DOCK5: variants seen among roughly 807,000 people sequenced by gnomAD.
The protein encoded by DOCK5 is dedicator of cytokinesis protein 5.
DOCK5 carries 142 observed loss-of-function variants against 251.8 expected under a neutral mutation model. The ratio of observed to expected loss-of-function variants is 0.56; its 90% CI spans 0.49 to 0.65. DOCK5 has a LOEUF of 0.65. DOCK5 is among the 30% of genes least tolerant of loss of function. DOCK5 has a pLI of 0.00. For missense variants in DOCK5, 2,111 were observed against 2,312.3 expected, an observed-to-expected ratio of 0.91 and a Z score of 1.79; for synonymous variants, 842 against 835.5, an observed-to-expected ratio of 1.01 and a Z score of -0.13.
At chr8:25,240,618 G>A (rs542032157) in intron 1 of DOCK5, among the ~76,000 whole-genome samples, 23 of 152,244 alleles carry the variant, frequency 1.5e-4, no homozygotes, top group African/African-American at 3.4e-4. Context: ...GTTCATTCAC[G>A]TTGCAGTATG....
intron 25 of DOCK5, among the ~76,000 whole-genome samples, chr8:25,342,994 C>T (rs901118571): frequency 1.6e-4 from 24 of 151,772 alleles, no homozygotes; most frequent in Admixed American, 6.6e-5. Context: ...CGTGAGCCAC[C>T]GCGTCCGGCT....
At chr8:25,222,928 T>C (rs1802431972) in intron 1 of DOCK5, among the ~76,000 whole-genome samples, 1 of 152,140 alleles carries the variant, frequency 6.6e-6, no homozygotes, top group South Asian at 2.1e-4. Context: ...AGTAATGCCC[T>C]TCCTAAAGGG....
At chr8:25,316,874 C>G in intron 13 of DOCK5, 133 bp from the exon 14 acceptor site, 1 of 1,088,544 alleles carries the variant, frequency 9.2e-7, no homozygotes, top group Non-Finnish European at 1.3e-6. Flanking sequence ...CATATGAAAG[C>G]CTTTTGTCGG....
chr8:25,366,736 G>A, intron 30 of DOCK5, 134 bp from the exon 31 acceptor site: 1 of 616,920 alleles, frequency 1.6e-6, no homozygotes, highest in Non-Finnish European at 2.7e-6. Context: ...CAAAACCTAA[G>A]AAGAATGTAG....
intron 1 of DOCK5, among the ~76,000 whole-genome samples, chr8:25,209,619 A>C (rs1802078420): frequency 1.4e-5 from 1 of 70,940 alleles, no homozygotes; most frequent in Admixed American, 1.6e-4. Context: ...GACATTTCAC[A>C]TACAACTTTA....
In DOCK5 at chr8:25,332,271, A is replaced by G. The variant is rs185726789; in HGVS notation, c.1924A>G (p.Asn642Asp). 4 of 1,613,578 alleles carry G rather than the reference A, an allele frequency of 2.5e-6. No homozygotes were observed. In the Admixed American group the frequency reaches 6.7e-5, roughly 27 times the overall value. Residue 642 changes from asparagine to aspartate, a missense_variant, in exon 19 of 52, where the codon AAT (asparagine) becomes GAT (aspartate). Asn to Asp is a conservative substitution (Grantham distance 23). Coordinates refer to ENST00000276440, the MANE Select transcript of DOCK5 (RefSeq NM_024940.8). ...CCTAGTTGACCTGTTAGGCTTGTTA[A>G]ATTGGCGTTCCAACTCCCAGAACAT... ...TQNVDLLGLL[N>D]WRSNSQNIKH...
chr8:25,355,002 G>A (rs1191281855), intron 27 of DOCK5, among the ~76,000 whole-genome samples: 2 of 152,296 alleles, frequency 1.3e-5, no homozygotes, highest in East Asian at 3.9e-4. Context: ...GGGAGGCTGA[G>A]GCAGGAGTAT....
At chr8:25,363,310 C>T (rs779616611) in intron 29 of DOCK5, among the ~76,000 whole-genome samples, 169 bp downstream of exon 29, 13 of 152,166 alleles carry the variant, frequency 8.5e-5, no homozygotes, top group Non-Finnish European at 1.9e-4. Context: ...TTGATTTTCC[C>T]AGGGTAATTG....
intron 1 of DOCK5, among the ~76,000 whole-genome samples, chr8:25,228,035 C>T (rs780344016): frequency 1.2e-4 from 18 of 152,090 alleles, no homozygotes; most frequent in Non-Finnish European, 2.9e-5. Context: ...CAGACATGCA[C>T]CACCACACCT....
chr8:25,247,185 T>G (rs1371705406), intron 2 of DOCK5, among the ~76,000 whole-genome samples: 2 of 152,198 alleles, frequency 1.3e-5, no homozygotes, highest in Admixed American at 1.3e-4. Flanking sequence ...CCATAGCACC[T>G]GGCCCAGGTG....
At chr8:25,187,407 G>C (rs189167438) in intron 1 of DOCK5, among the ~76,000 whole-genome samples, 174 of 147,934 alleles carry the variant, frequency 1.2e-3, no homozygotes, top group Admixed American at 2.9e-3. Flanking sequence ...TAAAATATTT[G>C]GATTGCATTT....
intron 1 of DOCK5, among the ~76,000 whole-genome samples, chr8:25,196,459 T>C (rs1801728557): frequency 6.6e-6 from 1 of 152,134 alleles, no homozygotes; most frequent in African/African-American, 2.4e-5. Flanking sequence ...AATAATTAAA[T>C]AAAAAATCTG....
intron 1 of DOCK5, among the ~76,000 whole-genome samples, chr8:25,202,602 G>C (rs187677067): frequency 6.6e-6 from 1 of 152,166 alleles, no homozygotes; most frequent in African/African-American, 2.4e-5. Context: ...GGGCTGGATG[G>C]TGGTGAGGAT....
At position 25,278,608 on chromosome 8, in the gene DOCK5, G is replaced by T. The variant is rs1224841624; in HGVS notation, c.264G>T (p.Val88=). The T allele has an allele frequency of 6.2e-7, 1 of 1,613,864 alleles. No homozygotes were observed. ...TGATTCCTGGCGAGCTCCCCCTGGT[G>T]CAGGAGCTCACGTCCACTCTGCGAG... ...ETVIPGELPL[V]QELTSTLREW... The change falls in exon 5 of 52, where the codon GTG becomes GTT. Residue 88 remains valine, a synonymous_variant. Transcript: ENST00000276440.
rs190227503 is a variant in DOCK5 at position 25,384,735 on chromosome 8, T to C, written c.4131+1957T>C. Among the ~76,000 whole-genome samples the C allele has an allele frequency of 1.2e-3, 178 of 151,992 alleles. 1 individual carries two copies. The highest frequency in any genetic ancestry group is 1.6e-3 in the Non-Finnish European group (108 of 67,964). ...TCAGCCTCCCAAAGTTTTGGAATTA[T>C]AGGCATGAGCCACCGTGCCCAGCCT... On this transcript the variant is annotated intron_variant, in intron 40 of 51. Coordinates refer to ENST00000276440, the MANE Select transcript of DOCK5 (RefSeq NM_024940.8).
chr8:25,236,337 C>T (rs1270088984), intron 1 of DOCK5, among the ~76,000 whole-genome samples: 2 of 152,116 alleles, frequency 1.3e-5, no homozygotes, highest in Non-Finnish European at 2.9e-5. Context: ...TTGTAATTAT[C>T]ATCCTAAAAC....
chr8:25,316,843 A>G (rs1805264483), intron 13 of DOCK5, among the ~76,000 whole-genome samples, 164 bp from the exon 14 acceptor site: 1 of 152,238 alleles, frequency 6.6e-6, no homozygotes, highest in Non-Finnish European at 1.5e-5. Flanking sequence ...GTAAAATGTG[A>G]TAAGCTGAAG....
intron 47 of DOCK5, 142 bp from the exon 48 acceptor site, chr8:25,403,416 C>A: frequency 2.5e-6 from 2 of 816,000 alleles, no homozygotes; most frequent in Non-Finnish European, 2.0e-6. Flanking sequence ...GCAGCACAGG[C>A]ACCAACCAAT....
chr8:25,403,349 A>T (rs1035015304), intron 47 of DOCK5, among the ~76,000 whole-genome samples: 1 of 152,172 alleles, frequency 6.6e-6, no homozygotes, highest in African/African-American at 2.4e-5. Context: ...AGGGAGGTTT[A>T]ACCTAAGTTG....
Sources: allele counts gnomAD v4.1 joint callset (sites outside exome capture counted in the v4.1 genomes callset), GRCh38; gene constraint gnomAD v4.1.1; transcripts MANE v1.5; gene names NCBI Gene and HGNC (gene_info 2026-07-23, HGNC 2026-07-21).